Variants in ZMYM2 observed in about 807,000 individuals in gnomAD.
The protein encoded by ZMYM2 is zinc finger MYM-type protein 2.
Under a neutral mutation model 162.8 loss-of-function variants are expected in ZMYM2, and 56 were observed. That is an observed-to-expected ratio of 0.34 (90% CI 0.28 to 0.43). The LOEUF (loss-of-function observed/expected upper bound fraction) is 0.43. Ranked by LOEUF, ZMYM2 falls within the 20% of genes least tolerant of loss-of-function variation. ZMYM2 has a pLI of 1.00. For synonymous variants in ZMYM2, 510 were observed against 541.6 expected (o/e 0.94, Z 0.81); for missense variants, 1,275 against 1,621.8 (o/e 0.79, Z 3.67).
intron 2 of ZMYM2, among the ~76,000 whole-genome samples, chr13:19,979,689 A>G (rs974909157): frequency 2.0e-5 from 3 of 152,170 alleles, no homozygotes; most frequent in African/African-American, 2.4e-5. Context: ...AAAAGTTCCT[A>G]TCAGCCCTGT....
chr13:19,978,183 T>C (rs993937893), intron 2 of ZMYM2, among the ~76,000 whole-genome samples: 1 of 152,106 alleles, frequency 6.6e-6, no homozygotes, highest in East Asian at 1.9e-4. Context: ...AGCCTAAAAG[T>C]ATTTTTTAAA....
chr13:20,071,281 C>T lies in ZMYM2; in HGVS notation c.3453+3891C>T, dbSNP rs534631005. Among the ~76,000 whole-genome samples, 32 of 152,264 alleles carry T rather than the reference C, an allele frequency of 2.1e-4. 1 individual carries two copies. Among genetic ancestry groups the T allele is most frequent in the South Asian group, 6.2e-4 (3 of 4,824 alleles). ...GTACAAGTCTTTGTACTTCTGTTAA[C>T]GGAAGGAAAGTCTTGAGTGTTAATT... On this transcript the variant is annotated intron_variant, in intron 21 of 24. Coordinates refer to ENST00000610343, the MANE Select transcript of ZMYM2 (RefSeq NM_197968.4).
the ZMYM2 span, among the ~76,000 whole-genome samples, chr13:19,940,590 ACT>A: frequency 6.6e-6 from 1 of 152,112 alleles, no homozygotes; most frequent in South Asian, 2.1e-4. Context: ...GTCTCAAACA[ACT>A]CTCTAAAATC....
At chr13:19,985,713 A>G (rs1949077461) in intron 2 of ZMYM2, among the ~76,000 whole-genome samples, 1 of 151,546 alleles carries the variant, frequency 6.6e-6, no homozygotes, top group African/African-American at 2.4e-5. Flanking sequence ...AAAAGGAAAA[A>G]AAAAAAGAAA....
chr13:20,058,935 G>A, intron 15 of ZMYM2: 1 of 638,992 alleles, frequency 1.6e-6, no homozygotes, highest in Non-Finnish European at 2.8e-6. Context: ...TGTCAAAAGT[G>A]AAAAAATACT....
chr13:20,084,804 T>C (rs1301958042), intron 24 of ZMYM2, among the ~76,000 whole-genome samples: 4 of 152,218 alleles, frequency 2.6e-5, no homozygotes, highest in Non-Finnish European at 5.9e-5. Context: ...GAATTCAAAA[T>C]GTACTTCCCT....
At chr13:19,984,915 G>A (rs760816967) in intron 2 of ZMYM2, among the ~76,000 whole-genome samples, 8 of 152,178 alleles carry the variant, frequency 5.3e-5, no homozygotes, top group Non-Finnish European at 8.8e-5. Flanking sequence ...TGTGATATCA[G>A]TTCTAGCTTT....
intron 14 of ZMYM2, among the ~76,000 whole-genome samples, chr13:20,057,532 TTACTC>T (rs985197319): frequency 8.5e-5 from 13 of 152,196 alleles, no homozygotes; most frequent in African/African-American, 2.4e-4. Context: ...ACAGTGTTGT[TTACTC>T]TATGTGATTA....
chr13:20,069,403 C>T (rs1186863701), intron 21 of ZMYM2, among the ~76,000 whole-genome samples: 1 of 142,990 alleles, frequency 7.0e-6, no homozygotes, highest in South Asian at 2.3e-4. Context: ...CCATTAAGTA[C>T]GATGCACCCT....
chr13:20,002,489 T>G (rs1950468702), intron 3 of ZMYM2, among the ~76,000 whole-genome samples: 1 of 152,214 alleles, frequency 6.6e-6, no homozygotes, highest in African/African-American at 2.4e-5. Context: ...CTTTTTTCTT[T>G]TAATTAATTT....
chr13:20,071,535 C>T (rs1321680638), intron 21 of ZMYM2, among the ~76,000 whole-genome samples: 1 of 152,178 alleles, frequency 6.6e-6, no homozygotes, highest in Admixed American at 6.5e-5. Context: ...TGGTCTAATA[C>T]TAATAAAAGG....
intron 2 of ZMYM2, among the ~76,000 whole-genome samples, chr13:19,992,455 T>A (rs1315232372): frequency 6.6e-6 from 1 of 152,070 alleles, no homozygotes; most frequent in South Asian, 2.1e-4. Flanking sequence ...TAGTCCCAGC[T>A]ACTTGGAGGT....
intron 3 of ZMYM2, among the ~76,000 whole-genome samples, chr13:19,996,158 A>G (rs1036382746): frequency 4.6e-5 from 7 of 151,950 alleles, no homozygotes; most frequent in African/African-American, 1.7e-4. Context: ...TATCCTAGGG[A>G]TTGTGGAGAA....
At chr13:19,969,979 C>T (rs1956162149) in intron 2 of ZMYM2, 2 of 919,208 alleles carry the variant, frequency 2.2e-6, no homozygotes, top group Non-Finnish European at 2.6e-6. Flanking sequence ...CTTATTGGAT[C>T]TCTGGTCTCA....
chr13:19,871,003 G>A, the ZMYM2 span, among the ~76,000 whole-genome samples: 2 of 151,930 alleles, frequency 1.3e-5, no homozygotes, highest in Non-Finnish European at 2.9e-5. Flanking sequence ...GGGGAATTGG[G>A]CAGTAAAAAT....
chr13:20,028,429 AC>A (rs1952776092), intron 9 of ZMYM2, among the ~76,000 whole-genome samples: 1 of 152,180 alleles, frequency 6.6e-6, no homozygotes, highest in South Asian at 2.1e-4. Flanking sequence ...TGTTGGATAA[AC>A]TAAACTGATA....
At position 20,086,479 on chromosome 13, in the gene ZMYM2, AC is replaced by A. The variant is rs1958274240; in HGVS notation, c.*466del. On this transcript the variant is annotated 3_prime_UTR_variant, in exon 25 of 25. Coordinates refer to ENST00000610343, the MANE Select transcript of ZMYM2 (RefSeq NM_197968.4). ...TCGGAATTTTTAAAATAAACTGTAA[AC>A]TAATAGGCTGGGGTTTTTGTTTTGT... 1 of 220,172 alleles carries A rather than the reference AC, an allele frequency of 4.5e-6. No individual in the cohort carries two copies. The highest frequency in any genetic ancestry group is 2.2e-5 in the African/African-American group (1 of 44,600). The allele number at this position is 220,172 out of a possible 1,614,324, so 13.6% of individuals were successfully genotyped here.
chr13:19,867,012 C>A, the ZMYM2 span, among the ~76,000 whole-genome samples: 2 of 152,066 alleles, frequency 1.3e-5, no homozygotes, highest in Admixed American at 1.3e-4. Context: ...GTAAAATAAA[C>A]CGTAGAGGAA....
At chr13:20,052,604 T>A (rs955090776) in intron 14 of ZMYM2, among the ~76,000 whole-genome samples, 4 of 152,052 alleles carry the variant, frequency 2.6e-5, no homozygotes, top group African/African-American at 9.7e-5. Flanking sequence ...ATGGCAATAG[T>A]ATGTTTGAAA....
Sources: gnomAD v4.1 joint callset for allele counts (sites outside exome capture counted in the v4.1 genomes callset) on GRCh38, gnomAD v4.1.1 for gene constraint, MANE v1.5 for transcripts, NCBI Gene and HGNC (gene_info 2026-07-23, HGNC 2026-07-21) for gene names.